The following PDE4D variants were observed in gnomAD, a reference collection of about 807,000 sequenced individuals.
PDE4D encodes the protein phosphodiesterase 4D.
In PDE4D, 24 loss-of-function variants were observed where a neutral mutation model predicts 87.4. The ratio of observed to expected loss-of-function variants is 0.27; its 90% CI spans 0.20 to 0.39. The LOEUF is 0.39. PDE4D is among the 10% of genes least tolerant of loss of function. The pLI, the probability that PDE4D is intolerant of heterozygous loss-of-function variation, is 1.00. For synonymous variants in PDE4D, 384 were observed against 383.2 expected, an observed-to-expected ratio of 1.00 and a Z score of -0.02; for missense variants, 714 against 1,041.0, an observed-to-expected ratio of 0.69 and a Z score of 4.32.
intron 2 of PDE4D, among the ~76,000 whole-genome samples, chr5:60,185,264 T>A (rs1390487008): frequency 6.6e-6 from 1 of 152,160 alleles, no homozygotes; most frequent in Non-Finnish European, 1.5e-5. Flanking sequence ...CTTTTAATCA[T>A]ATATTTTCTG....
chr5:60,346,950 T>C (rs1351763766), intron 1 of PDE4D, among the ~76,000 whole-genome samples: 1 of 152,152 alleles, frequency 6.6e-6, no homozygotes, highest in Admixed American at 6.6e-5. Flanking sequence ...AAACAATGCA[T>C]TGTTCTTAGT....
intron 2 of PDE4D, among the ~76,000 whole-genome samples, chr5:60,031,390 T>C (rs942895257): frequency 6.6e-6 from 1 of 152,216 alleles, no homozygotes; most frequent in Non-Finnish European, 1.5e-5. Flanking sequence ...CAGAACATCC[T>C]GCCATTGTAG....
At chr5:59,668,723 GAAGAAGAAGAAGA>G (rs1406579580) in intron 1 of PDE4D, among the ~76,000 whole-genome samples, 9 of 96,944 alleles carry the variant, frequency 9.3e-5, no homozygotes, top group Admixed American at 4.0e-4. Context: ...AGAAAAAAAA[GAAGAAGAAGAAGA>G]AAGAAGAAGA....
chr5:60,118,199 A>T (rs1237867702), intron 2 of PDE4D, among the ~76,000 whole-genome samples: 1 of 152,072 alleles, frequency 6.6e-6, no homozygotes, highest in Non-Finnish European at 1.5e-5. Flanking sequence ...ATAGTTTCTT[A>T]CTTTAAGCAG....
intron 2 of PDE4D, among the ~76,000 whole-genome samples, chr5:60,003,830 A>G (rs771619951): frequency 2.8e-4 from 43 of 152,124 alleles, no homozygotes; most frequent in Non-Finnish European, 4.4e-4. Context: ...ATAAAAACAG[A>G]CACACAGAAC....
intron 1 of PDE4D, among the ~76,000 whole-genome samples, chr5:59,539,467 T>C (rs1309321279): frequency 6.6e-6 from 1 of 152,166 alleles, no homozygotes; most frequent in African/African-American, 2.4e-5. Context: ...TAGCAGCCAT[T>C]ACTTAAGAAG....
intron 5 of PDE4D, among the ~76,000 whole-genome samples, chr5:59,096,277 A>T (rs1372713529): frequency 2.6e-5 from 4 of 152,176 alleles, no homozygotes; most frequent in Non-Finnish European, 5.9e-5. Context: ...AAATAAATGT[A>T]ACTGGCAAAG....
At chr5:60,122,699 T>C (rs1402512324) in intron 2 of PDE4D, among the ~76,000 whole-genome samples, 1 of 152,234 alleles carries the variant, frequency 6.6e-6, no homozygotes, top group Non-Finnish European at 1.5e-5. Flanking sequence ...TCTGAGATAC[T>C]CTGGAGACAT....
At chr5:59,609,025 A>G (rs542206096) in intron 1 of PDE4D, among the ~76,000 whole-genome samples, 1 of 152,248 alleles carries the variant, frequency 6.6e-6, no homozygotes, top group South Asian at 2.1e-4. Flanking sequence ...GAAGCAGCTG[A>G]GCCTTGAGAT....
intron 1 of PDE4D, among the ~76,000 whole-genome samples, chr5:60,260,523 CA>C (rs1749541239): frequency 6.6e-6 from 1 of 152,016 alleles, no homozygotes; most frequent in African/African-American, 2.4e-5. Flanking sequence ...GTCAACAACA[CA>C]ACATGAATTT....
At position 59,200,252 on chromosome 5, in the gene PDE4D, C is replaced by CGTGTAT. The variant is rs371023211; in HGVS notation, c.648-6717_648-6716insATACAC. Among the ~76,000 whole-genome samples, 5 of 134,262 alleles carry CGTGTAT rather than the reference C, an allele frequency of 3.7e-5. 1 individual carries two copies. Among genetic ancestry groups the CGTGTAT allele is most frequent in the South Asian group, 2.3e-4 (1 of 4,382 alleles). The allele number at this position is 134,262 out of a possible 152,430, so 88.1% of individuals were successfully genotyped here. On this transcript the variant is annotated intron_variant, in intron 2 of 14. Coordinates refer to ENST00000340635, the MANE Select transcript of PDE4D (RefSeq NM_001104631.2). ...ATACATATGTGTATGTACAGCTACACGTATACATACATATGTGTATGTACA... is the reference window on the plus strand; with the variant it reads ...ATACATATGTGTATGTACAGCTACACGTGTATGTATACATACATATGTGTATGTACA...
chr5:59,317,571 T>A (rs1423072761), intron 1 of PDE4D, among the ~76,000 whole-genome samples: 1 of 151,910 alleles, frequency 6.6e-6, no homozygotes, highest in African/African-American at 2.4e-5. Flanking sequence ...GCATACAGAG[T>A]CAGATTACGT....
At chr5:59,930,940 G>GA (rs942243655) in intron 3 of PDE4D, among the ~76,000 whole-genome samples, 3 of 152,062 alleles carry the variant, frequency 2.0e-5, no homozygotes, top group Admixed American at 1.3e-4. Flanking sequence ...CTTCAAGCTA[G>GA]AAAAAAATAT....
chr5:59,006,227 T>C (rs1751565652), intron 6 of PDE4D, among the ~76,000 whole-genome samples: 1 of 152,186 alleles, frequency 6.6e-6, no homozygotes, highest in African/African-American at 2.4e-5. Context: ...AATGCCCAAA[T>C]GATTTTATAT....
intron 1 of PDE4D, among the ~76,000 whole-genome samples, chr5:59,818,938 A>AG (rs149358974): frequency 2.0e-5 from 3 of 151,906 alleles, no homozygotes; most frequent in African/African-American, 7.3e-5. Flanking sequence ...AGAGATAAAT[A>AG]GGGGGGGAAT....
At chr5:59,675,916 T>C (rs1424705006) in intron 1 of PDE4D, among the ~76,000 whole-genome samples, 1 of 152,116 alleles carries the variant, frequency 6.6e-6, no homozygotes, top group East Asian at 1.9e-4. Flanking sequence ...GATCTCAAAA[T>C]CCTGGGCTCC....
chr5:60,432,722 A>AC lies in PDE4D; in HGVS notation c.-90+55219_-90+55220insG, dbSNP rs1744449097. On this transcript the variant is annotated intron_variant, in intron 1 of 16. Coordinates refer to the PDE4D transcript ENST00000502484. ...AACCAAGACAGCATGGTATAGGTAC[A>AC]AAAATAGATACATAGACCACTGGAA... is the stretch of plus-strand genomic sequence containing the variant. Among the ~76,000 whole-genome samples, 3 of 152,194 alleles carry AC rather than the reference A, an allele frequency of 2.0e-5. No individual in the cohort carries two copies. In the East Asian group the frequency reaches 5.8e-4, roughly 29 times the overall value.
rs536805915 is a variant in PDE4D at position 59,104,041 on chromosome 5, T to C, written c.809-65070A>G. Among the ~76,000 whole-genome samples the C allele has an allele frequency of 4.4e-4, 67 of 152,352 alleles. 1 individual carries two copies. Among genetic ancestry groups the C allele is most frequent in the Middle Eastern group, 3.4e-3 (1 of 292 alleles). On this transcript the variant is annotated intron_variant, in intron 5 of 14. Coordinates refer to ENST00000340635, the MANE Select transcript of PDE4D (RefSeq NM_001104631.2). The stretch of plus-strand genomic sequence containing the variant: ...GAATTAGATAATATATGTTCGAGAC[T>C]ATATAGAACCTCAAAAATGTTAGCT...
intron 2 of PDE4D, among the ~76,000 whole-genome samples, chr5:60,117,060 T>G (rs1178473402): frequency 6.6e-6 from 1 of 152,012 alleles, no homozygotes; most frequent in Non-Finnish European, 1.5e-5. Context: ...AAAAAAAATA[T>G]TTCCTTCCAA....
Sources: allele counts gnomAD v4.1 joint callset (sites outside exome capture counted in the v4.1 genomes callset), GRCh38; gene constraint gnomAD v4.1.1; transcripts MANE v1.5; gene names NCBI Gene and HGNC (gene_info 2026-07-23, HGNC 2026-07-21).